The following LIMK2 variants were observed in gnomAD, a reference collection of about 807,000 sequenced individuals.
LIMK2 encodes LIM domain kinase 2.
LIMK2 carries 35 observed loss-of-function variants against 75.7 expected under a neutral mutation model. That is an observed-to-expected ratio of 0.46 (90% CI 0.35 to 0.61). LIMK2 has a LOEUF of 0.61. Among genes scored for constraint, LIMK2 ranks in the 20% least tolerant of loss-of-function variants. The pLI is 0.00. For synonymous variants in LIMK2, 301 were observed against 319.2 expected, an observed-to-expected ratio of 0.94 and a Z score of 0.61; for missense variants, 623 against 831.0, an observed-to-expected ratio of 0.75 and a Z score of 3.08.
chr22:31,237,027 C>T (rs1416578455), intron 2 of LIMK2, among the ~76,000 whole-genome samples: 1 of 151,000 alleles, frequency 6.6e-6, no homozygotes, highest in Admixed American at 6.6e-5. Flanking sequence ...TTTGGGAGGC[C>T]GAGGGGGGCG....
chr22:31,236,014 G>A (rs1227237260), intron 2 of LIMK2, among the ~76,000 whole-genome samples: 1 of 152,206 alleles, frequency 6.6e-6, no homozygotes, highest in Admixed American at 6.5e-5. Flanking sequence ...AAATGGAGAG[G>A]CCAGGCGTAG....
At chr22:31,277,490 T>C in intron 15 of LIMK2, 1 of 1,076,218 alleles carries the variant, frequency 9.3e-7, no homozygotes, top group Non-Finnish European at 1.1e-6. Flanking sequence ...ATCTATACCT[T>C]GTTCCTTTAT....
chr22:31,276,651 G>C, intron 15 of LIMK2: 1 of 1,012,892 alleles, frequency 9.9e-7, no homozygotes, highest in Non-Finnish European at 1.2e-6. Context: ...GGCGGCACAA[G>C]GAGGGGCCCC....
chr22:31,268,640 A>C (rs557573540), intron 11 of LIMK2, among the ~76,000 whole-genome samples: 1 of 152,350 alleles, frequency 6.6e-6, no homozygotes, highest in African/African-American at 2.4e-5. Context: ...GACAGGAGCA[A>C]AGACCTGGGA....
intron 2 of LIMK2, among the ~76,000 whole-genome samples, chr22:31,254,589 G>A (rs773101028): frequency 8.5e-5 from 13 of 152,222 alleles, no homozygotes; most frequent in African/African-American, 1.2e-4. Flanking sequence ...TCAGAAGGCA[G>A]GAGGCAAGAA....
At chr22:31,270,993 G>A (rs2048950655) in intron 11 of LIMK2, 143 bp from the exon 12 acceptor site, 5 of 694,422 alleles carry the variant, frequency 7.2e-6, no homozygotes, top group Non-Finnish European at 1.3e-5. Context: ...GAGGCCATAG[G>A]AGGCCCTGGC....
chr22:31,224,934 C>T (rs886283763), intron 1 of LIMK2, among the ~76,000 whole-genome samples: 94 of 152,342 alleles, frequency 6.2e-4, no homozygotes, highest in African/African-American at 1.9e-3. Flanking sequence ...AGGTGAGCGG[C>T]GGGCCAGTGA....
At chr22:31,237,169 G>A (rs1353911583) in intron 2 of LIMK2, among the ~76,000 whole-genome samples, 2 of 151,214 alleles carry the variant, frequency 1.3e-5, no homozygotes, top group African/African-American at 4.9e-5. Context: ...GCTGAGGCAG[G>A]AGAATGGCGT....
intron 2 of LIMK2, among the ~76,000 whole-genome samples, chr22:31,244,748 T>G (rs1272683057): frequency 4.6e-5 from 7 of 152,200 alleles, no homozygotes; most frequent in Admixed American, 4.6e-4. Context: ...TTAATGATAT[T>G]AATGGCTAAC....
intron 13 of LIMK2, 100 bp downstream of exon 13, chr22:31,272,804 G>A (rs777328803): frequency 2.5e-5 from 37 of 1,468,234 alleles, no homozygotes; most frequent in Admixed American, 2.3e-4. Flanking sequence ...GTGAAGCGTA[G>A]GACCGGATAC....
In LIMK2 at chr22:31,267,807, A is replaced by G. The variant is rs376760049; in HGVS notation, c.1160A>G (p.Asn387Ser). The G allele has an allele frequency of 1.5e-5, 24 of 1,611,088 alleles. No individual in the cohort carries two copies. Among genetic ancestry groups the G allele is most frequent in the Admixed American group, 1.7e-5 (1 of 59,320 alleles). Reference sequence around the variant, plus strand: ...GTGATGCGCAGCCTGGACCACCCCAATGTGCTCAAGTTCATTGGTGTGCTG... The same window carrying G: ...GTGATGCGCAGCCTGGACCACCCCAGTGTGCTCAAGTTCATTGGTGTGCTG... ...VKVMRSLDHP[N>S]VLKFIGVLYK... The change falls in exon 10 of 16, where the codon AAT (asparagine) becomes AGT (serine). Residue 387 changes from asparagine (N) to serine (S), a missense_variant. Asn to Ser is a conservative substitution (Grantham distance 46). Around this residue, in one of 3 missense-constraint regions of LIMK2, gnomAD observed 514 missense variants for 661.3 expected, o/e 0.78. Transcript: ENST00000331728.
chr22:31,248,288 C>T (rs1317584384), intron 2 of LIMK2: 3 of 1,144,608 alleles, frequency 2.6e-6, no homozygotes, highest in Non-Finnish European at 2.2e-6. Context: ...CCACACACCT[C>T]GGTTCTGCGG....
intron 2 of LIMK2, among the ~76,000 whole-genome samples, chr22:31,238,512 C>G (rs1420515865): frequency 6.6e-6 from 1 of 152,160 alleles, no homozygotes; most frequent in African/African-American, 2.4e-5. Flanking sequence ...AGAACCATCA[C>G]AGAATGTCTA....
At chr22:31,274,560 C>G (rs775793607) in intron 14 of LIMK2, among the ~76,000 whole-genome samples, 10 of 152,062 alleles carry the variant, frequency 6.6e-5, no homozygotes, top group Non-Finnish European at 1.5e-4. Context: ...GCCACCACGC[C>G]TGGCTAATTT....
At chr22:31,241,648 G>T (rs1000545271) in intron 2 of LIMK2, among the ~76,000 whole-genome samples, 1 of 152,130 alleles carries the variant, frequency 6.6e-6, no homozygotes, top group South Asian at 2.1e-4. Context: ...ATCAAACTAC[G>T]TGAAGGCAGG....
rs1220938866 is a variant in LIMK2, at chr22:31,258,335, A to G, written c.161A>G (p.Lys54Arg). 6.2e-7 allele frequency: 1 copy of G among 1,613,436 alleles called. No homozygotes were observed. The highest frequency in any genetic ancestry group is 8.5e-7 in the Non-Finnish European group (1 of 1,179,564). Residue 54 changes from lysine (K) to arginine (R), a missense_variant, in exon 3 of 16, where the codon AAG (lysine) becomes AGG (arginine). By Grantham distance (26) the Lys-to-Arg change is conservative. Around this residue, in one of 3 missense-constraint regions of LIMK2, gnomAD observed 514 missense variants for 661.3 expected, o/e 0.78. Coordinates refer to ENST00000331728, the MANE Select transcript of LIMK2 (RefSeq NM_005569.4). ...QDSLTNWYYE[K>R]DGKLYCPKDY... ...TCCCTCACCAACTGGTACTATGAGA[A>G]GGATGGGAAGCTCTACTGCCCCAAG...
intron 2 of LIMK2, among the ~76,000 whole-genome samples, chr22:31,234,342 A>C (rs576942414): frequency 6.8e-6 from 1 of 147,402 alleles, no homozygotes; most frequent in African/African-American, 2.5e-5. Context: ...AAAAAAAAAC[A>C]AAAAAAAACT....
intron 1 of LIMK2, among the ~76,000 whole-genome samples, chr22:31,224,820 C>T (rs1273350734): frequency 6.6e-6 from 1 of 152,222 alleles, no homozygotes; most frequent in Non-Finnish European, 1.5e-5. Flanking sequence ...ATCTAACAGC[C>T]TCCAACATAC....
intron 1 of LIMK2, among the ~76,000 whole-genome samples, chr22:31,221,515 C>T (rs894179452): frequency 1.3e-5 from 2 of 152,058 alleles, no homozygotes; most frequent in African/African-American, 2.4e-5. Flanking sequence ...GACAGAGTCT[C>T]GCTCTGTCGC....
Sources: gnomAD v4.1 joint callset for allele counts (sites outside exome capture counted in the v4.1 genomes callset) on GRCh38, gnomAD v4.1.1 for gene constraint, gnomAD v4.1.1 regional missense constraint, MANE v1.5 for transcripts, NCBI Gene and HGNC (gene_info 2026-07-23, HGNC 2026-07-21) for gene names.